SBF2: variants seen among roughly 807,000 people sequenced by gnomAD.
SBF2 encodes SET binding factor 2.
Under a neutral mutation model 225.2 loss-of-function variants are expected in SBF2, and 112 were observed. The observed-to-expected ratio is 0.50, with a 90% CI of 0.43 to 0.58. The LOEUF is 0.58. SBF2 is among the 20% of genes least tolerant of loss of function. The pLI is 0.00. For missense variants in SBF2, 1,996 were observed against 2,206.2 expected, an observed-to-expected ratio of 0.90 and a Z score of 1.91; for synonymous variants, 763 against 773.3, an observed-to-expected ratio of 0.99 and a Z score of 0.22.
At chr11:10,270,836 C>G (rs915388119) in intron 1 of SBF2, among the ~76,000 whole-genome samples, 1 of 151,292 alleles carries the variant, frequency 6.6e-6, no homozygotes, top group African/African-American at 2.4e-5. Context: ...TACTAAAAAA[C>G]GGAAAAAAGT....
chr11:9,781,384 A>G, intron 39 of SBF2, 123 bp downstream of exon 39: 1 of 1,286,100 alleles, frequency 7.8e-7, no homozygotes, highest in Non-Finnish European at 1.1e-6. Context: ...CAATTCCCAT[A>G]GCCAAGGGGG....
intron 17 of SBF2, among the ~76,000 whole-genome samples, chr11:9,870,463 G>A (rs1858630602): frequency 6.6e-6 from 1 of 152,088 alleles, no homozygotes; most frequent in Admixed American, 6.5e-5. Context: ...TATACTACAA[G>A]GCTACAGGAA....
At chr11:10,241,140 C>T (rs1004241953) in intron 1 of SBF2, among the ~76,000 whole-genome samples, 3 of 152,074 alleles carry the variant, frequency 2.0e-5, no homozygotes, top group African/African-American at 7.2e-5. Flanking sequence ...CACTTGAGGT[C>T]AGAAGTTTGA....
chr11:10,216,748 T>TA (rs933058370), intron 1 of SBF2, among the ~76,000 whole-genome samples: 41 of 152,278 alleles, frequency 2.7e-4, no homozygotes, highest in African/African-American at 9.1e-4. Context: ...CGGGCCCCTG[T>TA]AATCCCAGCT....
At chr11:9,968,689 ATC>A (rs1867127428) in intron 13 of SBF2, 144 bp from the exon 14 acceptor site, 3 of 732,698 alleles carry the variant, frequency 4.1e-6, no homozygotes, top group Non-Finnish European at 7.4e-6. Context: ...AAGTACCAAA[ATC>A]TTACTTCTTC....
intron 2 of SBF2, among the ~76,000 whole-genome samples, chr11:10,098,796 AAAAG>A (rs1047019544): frequency 2.6e-5 from 4 of 152,036 alleles, no homozygotes; most frequent in African/African-American, 7.2e-5. Context: ...CTTGATAAAG[AAAAG>A]AAAGAATCTA....
chr11:9,967,971 C>CTCTCTCTCTCTCTATATATATATA (rs1260685462), intron 14 of SBF2, among the ~76,000 whole-genome samples: 57 of 91,502 alleles, frequency 6.2e-4, no homozygotes, highest in Middle Eastern at 6.4e-3. Context: ...CTCTCTCTCT[C>CTCTCTCTCTCTCTATATATATATA]TATATATATA....
intron 1 of SBF2, among the ~76,000 whole-genome samples, chr11:10,221,902 G>A (rs886512264): frequency 1.3e-5 from 2 of 152,154 alleles, no homozygotes; most frequent in African/African-American, 4.8e-5. Flanking sequence ...CTATCTTGAA[G>A]AATCAAAGGA....
At chr11:9,829,205 G>C in intron 28 of SBF2, 151 bp downstream of exon 28, 1 of 789,742 alleles carries the variant, frequency 1.3e-6, no homozygotes, top group Admixed American at 2.0e-5. Context: ...CTAAGTAAAA[G>C]GAGTTAAACT....
chr11:10,250,630 C>T (rs1479939139), intron 1 of SBF2, among the ~76,000 whole-genome samples: 1 of 152,130 alleles, frequency 6.6e-6, no homozygotes, highest in East Asian at 1.9e-4. Flanking sequence ...ATTTTCAATG[C>T]ATGTTTTATG....
chr11:10,176,143 G>T (rs933459964), intron 2 of SBF2, among the ~76,000 whole-genome samples: 8 of 137,454 alleles, frequency 5.8e-5, no homozygotes, highest in East Asian at 2.0e-4. Context: ...TGAAACCAAC[G>T]AGAACAAAGA....
chr11:9,913,206 T>C (rs1265518550), intron 16 of SBF2, among the ~76,000 whole-genome samples: 1 of 151,972 alleles, frequency 6.6e-6, no homozygotes, highest in East Asian at 1.9e-4. Flanking sequence ...ACCATTTGAG[T>C]GGAGATTGCA....
intron 2 of SBF2, among the ~76,000 whole-genome samples, chr11:10,063,531 G>C (rs1379105652): frequency 6.6e-6 from 1 of 151,044 alleles, no homozygotes; most frequent in Non-Finnish European, 1.5e-5. Flanking sequence ...CTATTTCTTT[G>C]TATTTTTTAG....
chr11:10,016,124 G>T (rs1948641980), intron 6 of SBF2, among the ~76,000 whole-genome samples: 1 of 152,022 alleles, frequency 6.6e-6, no homozygotes, highest in Non-Finnish European at 1.5e-5. Flanking sequence ...ACAAAAAAAG[G>T]ATAACCGATT....
chr11:10,123,192 C>A (rs1953561187), intron 2 of SBF2, among the ~76,000 whole-genome samples: 1 of 152,110 alleles, frequency 6.6e-6, no homozygotes, highest in African/African-American at 2.4e-5. Context: ...GAAATGAATC[C>A]ATGTATGCTC....
At chr11:9,882,728 A>G (rs564277258) in intron 17 of SBF2, among the ~76,000 whole-genome samples, 13 of 142,932 alleles carry the variant, frequency 9.1e-5, no homozygotes, top group African/African-American at 3.0e-4. Flanking sequence ...AATCACTTGT[A>G]CCCAGGAGGG....
chr11:9,780,996 A>G (rs1851968569), intron 39 of SBF2, among the ~76,000 whole-genome samples: 1 of 152,242 alleles, frequency 6.6e-6, no homozygotes, highest in Non-Finnish European at 1.5e-5. Context: ...AGGGCCATAG[A>G]GGATGACCTA....
At chr11:10,004,590 AAAAAAC>A (rs1256267785) in intron 6 of SBF2, among the ~76,000 whole-genome samples, 7 of 149,122 alleles carry the variant, frequency 4.7e-5, no homozygotes, top group African/African-American at 1.2e-4. Flanking sequence ...AAAAAAAAAA[AAAAAAC>A]AAACTACATA....
chr11:9,885,819 T>C (rs1860246369), intron 17 of SBF2, among the ~76,000 whole-genome samples: 1 of 152,114 alleles, frequency 6.6e-6, no homozygotes, highest in Admixed American at 6.6e-5. Context: ...TGCAATAGGG[T>C]CCAGGATGAT....
Sources: allele counts gnomAD v4.1 joint callset (sites outside exome capture counted in the v4.1 genomes callset), GRCh38; gene constraint gnomAD v4.1.1; transcripts MANE v1.5; gene names NCBI Gene and HGNC (gene_info 2026-07-23, HGNC 2026-07-21).